Variants in LSAMP observed in about 807,000 individuals in gnomAD.
The protein encoded by LSAMP is limbic system-associated membrane protein.
Under a neutral mutation model 38.6 loss-of-function variants are expected in LSAMP, and 7 were observed. The observed-to-expected ratio is 0.18, with a 90% CI of 0.10 to 0.34. The LOEUF is 0.34. Ranked by LOEUF, LSAMP falls within the 10% of genes least tolerant of loss-of-function variation. The pLI, the probability that LSAMP is intolerant of heterozygous loss-of-function variation, is 1.00. For synonymous variants in LSAMP, 154 were observed against 166.8 expected (o/e 0.92, Z 0.59); for missense variants, 313 against 420.0 (o/e 0.75, Z 2.23).
intron 3 of LSAMP, among the ~76,000 whole-genome samples, chr3:115,958,972 C>T (rs1291747862): frequency 3.9e-5 from 6 of 152,078 alleles, no homozygotes; most frequent in Non-Finnish European, 8.8e-5. Flanking sequence ...TTGCAGAGCC[C>T]CAGAATTGTG....
chr3:116,271,291 C>T (rs1193122670), intron 1 of LSAMP, among the ~76,000 whole-genome samples: 5 of 152,158 alleles, frequency 3.3e-5, no homozygotes, highest in South Asian at 2.1e-4. Flanking sequence ...CATTGGATTA[C>T]TCTACCCACA....
intron 6 of LSAMP, among the ~76,000 whole-genome samples, chr3:115,824,437 T>C (rs987576930): frequency 6.6e-6 from 1 of 152,214 alleles, no homozygotes; most frequent in Non-Finnish European, 1.5e-5. Context: ...CTCATGCCTG[T>C]AATCCCAGTA....
At chr3:116,399,365 A>G (rs1180396245) in intron 1 of LSAMP, among the ~76,000 whole-genome samples, 2 of 152,208 alleles carry the variant, frequency 1.3e-5, no homozygotes, top group East Asian at 1.9e-4. Flanking sequence ...TAAAGATCTA[A>G]GCAAGAAATA....
At chr3:116,261,129 T>C (rs1418578516) in intron 1 of LSAMP, among the ~76,000 whole-genome samples, 3 of 152,244 alleles carry the variant, frequency 2.0e-5, no homozygotes, top group African/African-American at 2.4e-5. Flanking sequence ...AACTTTCTGA[T>C]ATAGCACTCG....
chr3:116,377,398 A>C (rs2048507655), intron 1 of LSAMP, among the ~76,000 whole-genome samples: 1 of 152,108 alleles, frequency 6.6e-6, no homozygotes, highest in Admixed American at 6.6e-5. Flanking sequence ...TGACCCTGCA[A>C]AGGACATAAT....
chr3:116,246,426 C>T (rs1412716967), intron 1 of LSAMP, among the ~76,000 whole-genome samples: 1 of 152,140 alleles, frequency 6.6e-6, no homozygotes, highest in Non-Finnish European at 1.5e-5. Context: ...CAGCAGTCCA[C>T]AATGCTTAAA....
intron 1 of LSAMP, among the ~76,000 whole-genome samples, chr3:116,206,337 A>G (rs2046069548): frequency 6.7e-6 from 1 of 149,196 alleles, no homozygotes; most frequent in South Asian, 2.2e-4. Flanking sequence ...AATTTTGTTG[A>G]TCCTTTCAAA....
At chr3:116,295,741 A>T (rs2047323449) in intron 1 of LSAMP, among the ~76,000 whole-genome samples, 1 of 152,170 alleles carries the variant, frequency 6.6e-6, no homozygotes, top group Admixed American at 6.5e-5. Context: ...ACAAAAAGGT[A>T]TTATGTATTG....
intron 2 of LSAMP, among the ~76,000 whole-genome samples, chr3:116,031,657 G>A (rs1328246420): frequency 7.3e-6 from 1 of 137,288 alleles, no homozygotes; most frequent in Non-Finnish European, 1.5e-5. Context: ...AAACAACTAG[G>A]GTGAACTAAA....
In LSAMP at chr3:116,312,037, T is replaced by C. The variant is rs1028678744; in HGVS notation, c.155+132840A>G. The stretch of plus-strand genomic sequence containing the variant: ...AACCATACAGAAAAGGGAAAAGCAA[T>C]AGATACAATCCATTGATCAATGATA... On this transcript the variant is annotated intron_variant, in intron 1 of 6. Transcript: ENST00000490035. Among the ~76,000 whole-genome samples, 8 of 152,254 alleles carry C rather than the reference T, an allele frequency of 5.3e-5. No individual in the cohort carries two copies. In the East Asian group the frequency reaches 7.7e-4, roughly 15 times the overall value.
chr3:116,039,597 G>T (rs1920380), intron 2 of LSAMP, among the ~76,000 whole-genome samples: 4 of 152,160 alleles, frequency 2.6e-5, no homozygotes, highest in African/African-American at 9.7e-5. Context: ...TTGCTCCTTA[G>T]AACTTTACTT....
chr3:115,828,701 G>T (rs1216446211), intron 6 of LSAMP, among the ~76,000 whole-genome samples: 1 of 152,150 alleles, frequency 6.6e-6, no homozygotes, highest in Non-Finnish European at 1.5e-5. Context: ...AGACAAGACT[G>T]CCAATTACTT....
At chr3:116,218,612 A>G (rs1385423084) in intron 1 of LSAMP, among the ~76,000 whole-genome samples, 2 of 152,142 alleles carry the variant, frequency 1.3e-5, no homozygotes, top group Non-Finnish European at 2.9e-5. Flanking sequence ...GTGTTTCTCT[A>G]CTAAATGGAC....
chr3:116,033,277 G>T (rs1346885459), intron 2 of LSAMP, among the ~76,000 whole-genome samples: 2 of 152,042 alleles, frequency 1.3e-5, no homozygotes, highest in Admixed American at 1.3e-4. Context: ...TGGTGAGAAG[G>T]AGCATTCCAT....
intron 1 of LSAMP, among the ~76,000 whole-genome samples, chr3:116,347,661 G>A (rs1325358596): frequency 1.3e-5 from 2 of 152,224 alleles, no homozygotes; most frequent in East Asian, 3.9e-4. Context: ...TAACGTGACA[G>A]TAAAATAAAA....
chr3:115,858,135 ATCTCTCTCTCTCTCTC>A (rs67994060), intron 3 of LSAMP, among the ~76,000 whole-genome samples: 3 of 144,046 alleles, frequency 2.1e-5, no homozygotes, highest in Admixed American at 1.4e-4. Context: ...CCGTCCTCCC[ATCTCTCTCTCTCTCTC>A]TCTCTCTCTC....
At chr3:116,439,049 T>C (rs562141273) in intron 1 of LSAMP, among the ~76,000 whole-genome samples, 8 of 152,298 alleles carry the variant, frequency 5.3e-5, no homozygotes, top group East Asian at 3.9e-4. Context: ...TTTACCTCTA[T>C]GTACATAGCA....
intron 1 of LSAMP, among the ~76,000 whole-genome samples, chr3:116,307,189 G>A (rs1295180393): frequency 6.6e-6 from 1 of 151,888 alleles, no homozygotes; most frequent in East Asian, 1.9e-4. Context: ...TTGACTCAGG[G>A]CAAAGCAATC....
chr3:116,376,628 G>C (rs964707073), intron 1 of LSAMP, among the ~76,000 whole-genome samples: 1 of 151,960 alleles, frequency 6.6e-6, no homozygotes, highest in African/African-American at 2.4e-5. Context: ...TAACTAACAA[G>C]AGTAGTATTT....
Sources: allele counts gnomAD v4.1 joint callset (sites outside exome capture counted in the v4.1 genomes callset), GRCh38; gene constraint gnomAD v4.1.1; transcripts MANE v1.5; gene names NCBI Gene and HGNC (gene_info 2026-07-23, HGNC 2026-07-21).